Variants in GPC5 observed in about 807,000 individuals in gnomAD.
GPC5 encodes the protein glypican 5, also known as glypican-5.
A neutral mutation model predicts 53.9 loss-of-function variants in GPC5; 47 were observed. That is an observed-to-expected ratio of 0.87 (90% confidence interval 0.69 to 1.11). The LOEUF is 1.11. Among genes scored for constraint, GPC5 ranks in the 50% most tolerant of loss-of-function variants. The probability of loss-of-function intolerance (pLI) is 0.00; values close to 1 mark genes in which losing one functional copy is unlikely to be tolerated. For missense variants in GPC5, 748 were observed against 713.1 expected, an observed-to-expected ratio of 1.05 and a Z score of -0.56; for synonymous variants, 286 against 263.3, an observed-to-expected ratio of 1.09 and a Z score of -0.84.
At chr13:92,773,665 A>G (rs1432263528) in intron 7 of GPC5, among the ~76,000 whole-genome samples, 1 of 152,194 alleles carries the variant, frequency 6.6e-6, no homozygotes, top group Non-Finnish European at 1.5e-5. Context: ...GAAAATTGCA[A>G]CGATGTACTA....
chr13:91,524,369 T>G (rs918483695), intron 2 of GPC5, among the ~76,000 whole-genome samples: 4 of 152,130 alleles, frequency 2.6e-5, no homozygotes, highest in African/African-American at 9.7e-5. Flanking sequence ...TATTTTTTGA[T>G]TGATGCAGTT....
chr13:92,708,450 A>G (rs922755229), intron 7 of GPC5, among the ~76,000 whole-genome samples: 1 of 152,150 alleles, frequency 6.6e-6, no homozygotes, highest in African/African-American at 2.4e-5. Context: ...ATATTTTATG[A>G]TAGTAATCTT....
intron 7 of GPC5, among the ~76,000 whole-genome samples, chr13:92,624,481 A>T (rs1426723030): frequency 6.6e-6 from 1 of 152,204 alleles, no homozygotes; most frequent in African/African-American, 2.4e-5. Context: ...TTTCAGTATG[A>T]TGCATATATA....
chr13:91,572,983 C>A (rs968883415), intron 2 of GPC5, among the ~76,000 whole-genome samples: 1 of 152,122 alleles, frequency 6.6e-6, no homozygotes, highest in African/African-American at 2.4e-5. Context: ...AGGAAAGCAA[C>A]TTTTAATACA....
intron 6 of GPC5, among the ~76,000 whole-genome samples, chr13:92,000,996 G>A (rs1594716289): frequency 7.4e-6 from 1 of 134,416 alleles, no homozygotes; most frequent in Admixed American, 6.9e-5. Flanking sequence ...TAGCTGTATT[G>A]GCTTTCACCA....
chr13:92,668,871 T>G (rs1157215824), intron 7 of GPC5, among the ~76,000 whole-genome samples: 1 of 152,128 alleles, frequency 6.6e-6, no homozygotes, highest in African/African-American at 2.4e-5. Flanking sequence ...TTGCAGTGTT[T>G]ATAAGTCAGA....
At chr13:92,632,806 G>C (rs963678150) in intron 7 of GPC5, among the ~76,000 whole-genome samples, 3 of 152,108 alleles carry the variant, frequency 2.0e-5, no homozygotes, top group African/African-American at 7.2e-5. Flanking sequence ...CCTGGTGAAA[G>C]GCAAGGAGGA....
chr13:91,734,051 T>C (rs1271457710), intron 4 of GPC5, among the ~76,000 whole-genome samples: 1 of 152,162 alleles, frequency 6.6e-6, no homozygotes, highest in Non-Finnish European at 1.5e-5. Flanking sequence ...ATGTTGAATT[T>C]TATTGAAGGC....
intron 7 of GPC5, among the ~76,000 whole-genome samples, chr13:92,844,716 A>C (rs969951387): frequency 1.3e-5 from 2 of 152,170 alleles, no homozygotes; most frequent in Admixed American, 1.3e-4. Context: ...GGAAATCCTG[A>C]TCAGTATTAT....
At chr13:92,586,143 A>C (rs1000808165) in intron 7 of GPC5, among the ~76,000 whole-genome samples, 1 of 152,192 alleles carries the variant, frequency 6.6e-6, no homozygotes, top group Non-Finnish European at 1.5e-5. Context: ...GTCTGCTTTC[A>C]ATATGAGAAG....
Position 92,787,866 on chromosome 13 carries a change from G to A in GPC5, c.1562-78416G>A, listed in dbSNP as rs1459199899. 3.1e-5 allele frequency among the ~76,000 whole-genome samples: 4 copies of A among 130,122 alleles called. No individual in the cohort carries two copies. The Admixed American group carries it at 3.4e-4, about 11-fold the overall frequency. The allele number at this position is 130,122 out of a possible 152,430, so 85.4% of individuals were successfully genotyped here. A position where few individuals can be genotyped will look rare whatever the true frequency, so the allele number is the denominator to read the frequency against. ...TACTCTGCCCTGGGTGACAAAGTAA[G>A]ACCCTGTCTCAAAAAAAAAAAAAAA... On this transcript the variant is annotated intron_variant, in intron 7 of 7. Transcript: ENST00000377067.
At position 92,827,859 on chromosome 13, in the gene GPC5, G is replaced by T. The variant is rs148779926; in HGVS notation, c.1562-38423G>T. On this transcript the variant is annotated intron_variant, in intron 7 of 7. Transcript: ENST00000377067. ...ACAACGGTTGGAGTCAACTGGGAGT[G>T]CCAGGAGCCTCAATAAAGAGAGAAA... is the stretch of plus-strand genomic sequence containing the variant. 3.5e-4 allele frequency among the ~76,000 whole-genome samples: 54 copies of T among 152,162 alleles called. No homozygotes were observed. In the East Asian group the frequency reaches 8.7e-3, roughly 25 times the overall value.
At chr13:92,432,157 A>G (rs1306998508) in intron 7 of GPC5, among the ~76,000 whole-genome samples, 1 of 152,170 alleles carries the variant, frequency 6.6e-6, no homozygotes, top group East Asian at 1.9e-4. Flanking sequence ...CCATGTGAGG[A>G]CACAGCAAGA....
intron 2 of GPC5, among the ~76,000 whole-genome samples, chr13:91,603,921 G>T (rs1594318116): frequency 6.7e-6 from 1 of 148,324 alleles, no homozygotes; most frequent in African/African-American, 2.5e-5. Flanking sequence ...CTTTCTAGTA[G>T]TATTTTTTTT....
chr13:92,161,759 G>C (rs1205771420), intron 7 of GPC5, among the ~76,000 whole-genome samples: 1 of 151,368 alleles, frequency 6.6e-6, no homozygotes, highest in Admixed American at 6.6e-5. Flanking sequence ...GTAAAGTACT[G>C]AATTTAAGAG....
intron 7 of GPC5, among the ~76,000 whole-genome samples, chr13:92,327,767 A>G (rs1233265412): frequency 6.6e-6 from 1 of 152,120 alleles, no homozygotes; most frequent in Non-Finnish European, 1.5e-5. Context: ...TTTCAGTATG[A>G]TTCTCAAAGA....
intron 6 of GPC5, among the ~76,000 whole-genome samples, chr13:91,964,588 G>C (rs183672554): frequency 5.3e-5 from 8 of 152,224 alleles, no homozygotes; most frequent in African/African-American, 1.9e-4. Flanking sequence ...TGATTGGTGT[G>C]TTTACAAACC....
In GPC5 at chr13:91,964,681, A is replaced by C. The variant is rs563524161; in HGVS notation, c.1401+56624A>C. 3.4e-4 allele frequency among the ~76,000 whole-genome samples: 52 copies of C among 152,236 alleles called. 1 individual carries two copies. In the South Asian group the frequency reaches 0.011, roughly 32 times the overall value. ...AGTTCTCCAAATCCCCATCCCACCC[A>C]AAAGCCCAGCCAGCTTCACCTCTCA... is the stretch of plus-strand genomic sequence containing the variant. On this transcript the variant is annotated intron_variant, in intron 6 of 7. Coordinates refer to ENST00000377067, the MANE Select transcript of GPC5 (RefSeq NM_004466.6).
chr13:92,086,241 T>A (rs2041335107), intron 6 of GPC5, among the ~76,000 whole-genome samples: 1 of 152,228 alleles, frequency 6.6e-6, no homozygotes, highest in Non-Finnish European at 1.5e-5. Flanking sequence ...TCCTTCATTT[T>A]TTCAAAGATG....
Sources: allele counts gnomAD v4.1 joint callset (sites outside exome capture counted in the v4.1 genomes callset), GRCh38; gene constraint gnomAD v4.1.1; transcripts MANE v1.5; gene names NCBI Gene and HGNC (gene_info 2026-07-23, HGNC 2026-07-21).